The following IGSF11 variants were observed in gnomAD, a reference collection of about 807,000 sequenced individuals.
IGSF11 encodes CXADR like 1.
Under a neutral mutation model 41.0 loss-of-function variants are expected in IGSF11, and 22 were observed. The observed-to-expected ratio is 0.54, with a 90% CI of 0.38 to 0.77. The LOEUF (loss-of-function observed/expected upper bound fraction) is 0.77, where lower values mean the gene tolerates loss of function less well. IGSF11 is among the 30% of genes least tolerant of loss of function. The pLI, the probability that IGSF11 is intolerant of heterozygous loss-of-function variation, is 0.00. For missense variants in IGSF11, 444 were observed against 530.8 expected (o/e 0.84, Z 1.61); for synonymous variants, 219 against 201.3 (o/e 1.09, Z -0.74).
At chr3:119,048,387 A>G (rs557709088) in intron 1 of IGSF11, among the ~76,000 whole-genome samples, 1 of 152,344 alleles carries the variant, frequency 6.6e-6, no homozygotes, top group East Asian at 1.9e-4. Context: ...CAAATAAACT[A>G]GAAAATCTAG....
chr3:118,923,455 C>G (rs1559902964), intron 4 of IGSF11, among the ~76,000 whole-genome samples: 1 of 152,204 alleles, frequency 6.6e-6, no homozygotes, highest in Non-Finnish European at 1.5e-5. Context: ...AAATTTAACT[C>G]TGATCTAATA....
intron 1 of IGSF11, among the ~76,000 whole-genome samples, chr3:119,052,140 A>C (rs920581772): frequency 6.6e-6 from 1 of 152,158 alleles, no homozygotes; most frequent in Admixed American, 6.6e-5. Context: ...GAGCAGAACT[A>C]AATGAAATTG....
Position 119,045,241 on chromosome 3 carries a change from C to T in IGSF11, c.49+59903G>A, listed in dbSNP as rs140551175. ...ATTTCCATCTGAGGTACCGGGTTCACTTCACTAGGGAGCGCCAGACAGTGG... is the reference window on the plus strand; with the variant it reads ...ATTTCCATCTGAGGTACCGGGTTCATTTCACTAGGGAGCGCCAGACAGTGG... On this transcript the variant is annotated intron_variant, in intron 1 of 6. Coordinates refer to the IGSF11 transcript ENST00000354673. Among the ~76,000 whole-genome samples, 8 of 152,336 alleles carry T rather than the reference C, an allele frequency of 5.3e-5. No homozygotes were observed. In the East Asian group the frequency reaches 1.5e-3, roughly 29 times the overall value.
chr3:118,939,561 G>A (rs1407855817), intron 1 of IGSF11, among the ~76,000 whole-genome samples: 2 of 140,580 alleles, frequency 1.4e-5, no homozygotes, highest in African/African-American at 2.9e-5. Flanking sequence ...GGGTGACAGA[G>A]CAAGACTCCG....
chr3:119,124,465 C>T (rs1320264901), intron 1 of IGSF11, among the ~76,000 whole-genome samples: 1 of 150,402 alleles, frequency 6.6e-6, no homozygotes, highest in Admixed American at 6.6e-5. Flanking sequence ...CGGGGTTTCA[C>T]CATGTTGGTC....
intron 1 of IGSF11, among the ~76,000 whole-genome samples, chr3:118,996,656 G>A (rs1408292615): frequency 1.3e-5 from 2 of 151,918 alleles, no homozygotes; most frequent in Non-Finnish European, 2.9e-5. Context: ...CTGGAGTGCA[G>A]TGGTGCGATC....
chr3:119,113,748 T>G (rs146359468), intron 1 of IGSF11, among the ~76,000 whole-genome samples: 1 of 152,322 alleles, frequency 6.6e-6, no homozygotes, highest in East Asian at 1.9e-4. Flanking sequence ...CAGTGGGGAC[T>G]CTGTGTGAGG....
At chr3:118,939,167 C>T (rs116791376) in intron 1 of IGSF11, among the ~76,000 whole-genome samples, 3,677 of 152,192 alleles carry the variant, frequency 0.024, 77 homozygotes, top group East Asian at 0.065. Context: ...AGAACATATT[C>T]TGGACTATAA....
At chr3:119,119,492 C>A (rs928957920) in intron 1 of IGSF11, among the ~76,000 whole-genome samples, 1 of 152,180 alleles carries the variant, frequency 6.6e-6, no homozygotes, top group African/African-American at 2.4e-5. Flanking sequence ...CATGGGAATT[C>A]AAGATGAGAT....
chr3:119,067,867 T>C (rs1942280878), intron 1 of IGSF11, among the ~76,000 whole-genome samples: 1 of 152,226 alleles, frequency 6.6e-6, no homozygotes, highest in Non-Finnish European at 1.5e-5. Context: ...TTTAGTATTA[T>C]AAACTTGCTC....
chr3:119,009,567 T>G (rs1937846369), intron 1 of IGSF11, among the ~76,000 whole-genome samples: 1 of 152,320 alleles, frequency 6.6e-6, no homozygotes, highest in Non-Finnish European at 1.5e-5. Flanking sequence ...ACCATGACTA[T>G]AAGTTTCCTG....
At position 119,103,059 on chromosome 3, in the gene IGSF11, G is replaced by A. The variant is rs999111032; in HGVS notation, c.49+2085C>T. ...GTCGCCCAGGCTGGAATGCAATGGC[G>A]CAATCTCAGCTCACTGCAAGCTCCG... On this transcript the variant is annotated intron_variant, in intron 1 of 6. Transcript: ENST00000354673. 2.0e-5 allele frequency among the ~76,000 whole-genome samples: 3 copies of A among 147,922 alleles called. No individual in the cohort carries two copies. In the Admixed American group the frequency reaches 2.1e-4, roughly 10 times the overall value.
intron 1 of IGSF11, among the ~76,000 whole-genome samples, chr3:118,972,763 C>A (rs1402396048): frequency 6.6e-6 from 1 of 152,160 alleles, no homozygotes; most frequent in African/African-American, 2.4e-5. Flanking sequence ...CAGGGTTTCA[C>A]TTGCATAAAC....
At position 119,003,499 on chromosome 3, in the gene IGSF11, T is replaced by C. The variant is rs950322209; in HGVS notation, c.52+31032A>G. 1.9e-4 allele frequency among the ~76,000 whole-genome samples: 29 copies of C among 151,194 alleles called. 1 individual carries two copies. The highest frequency in any genetic ancestry group is 6.2e-4 in the African/African-American group (25 of 40,522). Reference sequence around the variant, plus strand: ...CTGCCTGATTGCCCTGGCCAGAACTTCCAACACTATGTTGAATAGGAGCGG... The same window carrying C: ...CTGCCTGATTGCCCTGGCCAGAACTCCCAACACTATGTTGAATAGGAGCGG... On this transcript the variant is annotated intron_variant, in intron 1 of 6. Coordinates refer to ENST00000393775, the MANE Select transcript of IGSF11 (RefSeq NM_001015887.3).
intron 4 of IGSF11, among the ~76,000 whole-genome samples, chr3:118,906,077 A>T (rs1344067574): frequency 6.6e-6 from 1 of 152,212 alleles, no homozygotes; most frequent in African/African-American, 2.4e-5. Flanking sequence ...CTGCAATAAC[A>T]TAAAGATCAT....
At chr3:119,052,362 C>T (rs533565455) in intron 1 of IGSF11, among the ~76,000 whole-genome samples, 5 of 151,436 alleles carry the variant, frequency 3.3e-5, no homozygotes, top group South Asian at 2.1e-4. Flanking sequence ...CGCCTATAAT[C>T]CCAGCTACTC....
intron 1 of IGSF11, among the ~76,000 whole-genome samples, chr3:118,961,699 A>G (rs1945346670): frequency 6.6e-6 from 1 of 152,230 alleles, no homozygotes; most frequent in South Asian, 2.1e-4. Context: ...GTGAGTTCAG[A>G]CAATAATAGG....
At chr3:119,032,136 T>C (rs960692513) in intron 1 of IGSF11, among the ~76,000 whole-genome samples, 5 of 152,232 alleles carry the variant, frequency 3.3e-5, no homozygotes, top group Admixed American at 2.6e-4. Flanking sequence ...CTTTCATTTA[T>C]TGAAAAGACC....
chr3:118,928,850 TCAA>T, intron 2 of IGSF11, 134 bp from the exon 3 acceptor site: 2 of 662,156 alleles, frequency 3.0e-6, no homozygotes, highest in East Asian at 2.7e-5. Context: ...ATAATTATCA[TCAA>T]CTTTTTTTTT....
Sources: gnomAD v4.1 joint callset for allele counts (sites outside exome capture counted in the v4.1 genomes callset) on GRCh38, gnomAD v4.1.1 for gene constraint, MANE v1.5 for transcripts, NCBI Gene and HGNC (gene_info 2026-07-23, HGNC 2026-07-21) for gene names.